Variants in DNMBP observed in about 807,000 individuals in gnomAD.
DNMBP encodes dynamin binding protein.
DNMBP carries 87 observed loss-of-function variants against 150.0 expected under a neutral mutation model. That is an observed-to-expected ratio of 0.58 (90% CI 0.49 to 0.69). DNMBP has a LOEUF of 0.69. Ranked by LOEUF, DNMBP falls within the 30% of genes least tolerant of loss-of-function variation. The pLI, the probability that DNMBP is intolerant of heterozygous loss-of-function variation, is 0.00. For missense variants in DNMBP, 1,774 were observed against 1,949.0 expected, an observed-to-expected ratio of 0.91 and a Z score of 1.69; for synonymous variants, 711 against 750.4, an observed-to-expected ratio of 0.95 and a Z score of 0.86.
intron 3 of DNMBP, among the ~76,000 whole-genome samples, chr10:99,967,441 G>A (rs1173674810): frequency 2.0e-5 from 3 of 152,014 alleles, no homozygotes; most frequent in Non-Finnish European, 4.4e-5. Context: ...AAGGAGAATC[G>A]CTTGAACCTG....
intron 11 of DNMBP, among the ~76,000 whole-genome samples, chr10:99,891,019 A>C (rs1042415300): frequency 6.6e-6 from 1 of 152,238 alleles, no homozygotes; most frequent in Admixed American, 6.5e-5. Context: ...CTGGGTAACC[A>C]GCTGGAAAAA....
intron 4 of DNMBP, among the ~76,000 whole-genome samples, chr10:99,944,262 A>T (rs1344057964): frequency 6.6e-6 from 1 of 152,232 alleles, no homozygotes; most frequent in East Asian, 1.9e-4. Context: ...ATGTTTTTTT[A>T]AATTAATCAA....
chr10:99,896,488 TC>T, intron 9 of DNMBP, 91 bp from the exon 10 acceptor site: 1 of 1,253,876 alleles, frequency 8.0e-7, no homozygotes, highest in Non-Finnish European at 1.2e-6. Flanking sequence ...CGGGAGCTAG[TC>T]CTTGTCTTCA....
chr10:99,895,375 G>A (rs542449272), intron 10 of DNMBP, among the ~76,000 whole-genome samples: 29 of 152,220 alleles, frequency 1.9e-4, no homozygotes, highest in Admixed American at 6.5e-4. Flanking sequence ...GATCCACCCC[G>A]CCTTGGCCTC....
chr10:99,983,097 C>T (rs2040795482), intron 1 of DNMBP, among the ~76,000 whole-genome samples: 1 of 152,134 alleles, frequency 6.6e-6, no homozygotes, highest in African/African-American at 2.4e-5. Context: ...CTGGGAAGAG[C>T]TGGGAAAGAG....
intron 4 of DNMBP, among the ~76,000 whole-genome samples, chr10:99,912,187 A>T (rs1298230142): frequency 6.6e-6 from 1 of 152,188 alleles, no homozygotes; most frequent in East Asian, 1.9e-4. Context: ...GAACCTAAAT[A>T]TATTTAAATC....
chr10:99,974,795 G>T (rs959723815), intron 1 of DNMBP, among the ~76,000 whole-genome samples: 8 of 152,134 alleles, frequency 5.3e-5, no homozygotes, highest in Admixed American at 4.6e-4. Context: ...TTATTTATGA[G>T]ACAGGGTCCT....
chr10:99,913,623 G>C lies in DNMBP; in HGVS notation c.2261-4477C>G, dbSNP rs935203892. Among the ~76,000 whole-genome samples the C allele has an allele frequency of 2.0e-5, 3 of 152,162 alleles. No individual in the cohort carries two copies. The East Asian group carries it at 5.8e-4, about 29-fold the overall frequency. On this transcript the variant is annotated intron_variant, in intron 4 of 16. Transcript: ENST00000324109. ...AACAATTAGTTGTGGGGTTCCTTCA[G>C]TGATTGTGGCTTACCCCCCACCCCA...
chr10:99,887,861 G>C (rs2039494452), intron 12 of DNMBP, among the ~76,000 whole-genome samples: 1 of 152,122 alleles, frequency 6.6e-6, no homozygotes, highest in Admixed American at 6.6e-5. Context: ...TTTCGCTCTT[G>C]TTGCCCAGGC....
chr10:100,008,291 A>T (rs1363456762), intron 1 of DNMBP, among the ~76,000 whole-genome samples: 1 of 152,236 alleles, frequency 6.6e-6, no homozygotes, highest in Non-Finnish European at 1.5e-5. Context: ...TTATTATCTC[A>T]GCCAAAAAAT....
intron 2 of DNMBP, among the ~76,000 whole-genome samples, chr10:99,971,383 T>C (rs993396814): frequency 2.0e-5 from 3 of 152,158 alleles, no homozygotes; most frequent in African/African-American, 7.2e-5. Flanking sequence ...TCTTATTTAT[T>C]TATTGAGATG....
chr10:99,978,703 T>C (rs1260105483), intron 1 of DNMBP, among the ~76,000 whole-genome samples: 1 of 152,046 alleles, frequency 6.6e-6, no homozygotes, highest in African/African-American at 2.4e-5. Context: ...CTCAGCCTCC[T>C]GAATATCTGC....
At position 100,006,300 on chromosome 10, in the gene DNMBP, G is replaced by C. The variant is rs572066195; in HGVS notation, c.-11+3538C>G. Among the ~76,000 whole-genome samples, 5 of 152,310 alleles carry C rather than the reference G, an allele frequency of 3.3e-5. No individual in the cohort carries two copies. The East Asian group carries it at 7.7e-4, about 24-fold the overall frequency. Reference sequence around the variant, plus strand: ...GTCAAGTTTTCAGGTCATCTGAAGCGATTTACTTTCAGAACCTCTTCCCAC... The same window carrying C: ...GTCAAGTTTTCAGGTCATCTGAAGCCATTTACTTTCAGAACCTCTTCCCAC... On this transcript the variant is annotated intron_variant, in intron 1 of 16. Transcript: ENST00000324109.
intron 4 of DNMBP, among the ~76,000 whole-genome samples, chr10:99,943,778 TAC>T (rs2040328375): frequency 6.6e-6 from 1 of 152,178 alleles, no homozygotes; most frequent in Non-Finnish European, 1.5e-5. Context: ...ATAAAACAGT[TAC>T]ACTTTAAAAT....
chr10:99,993,863 A>G (rs1388574267), intron 1 of DNMBP, among the ~76,000 whole-genome samples: 1 of 152,180 alleles, frequency 6.6e-6, no homozygotes, highest in Non-Finnish European at 1.5e-5. Flanking sequence ...TCTGCCTTGA[A>G]AAAAGCTAGA....
intron 4 of DNMBP, among the ~76,000 whole-genome samples, chr10:99,947,922 G>A (rs918402962): frequency 9.9e-5 from 15 of 152,076 alleles, no homozygotes; most frequent in East Asian, 9.6e-4. Flanking sequence ...GAAGCTGAGC[G>A]AAGTATATGG....
At chr10:99,930,366 T>A in intron 4 of DNMBP, 1 of 703,034 alleles carries the variant, frequency 1.4e-6, no homozygotes, top group Non-Finnish European at 2.6e-6. Flanking sequence ...TGCCTCCCCG[T>A]ATCCACCAGC....
intron 6 of DNMBP, among the ~76,000 whole-genome samples, chr10:99,900,393 T>C (rs547977966): frequency 6.6e-6 from 1 of 150,974 alleles, no homozygotes; most frequent in East Asian, 2.0e-4. Context: ...CGGTCCCTAG[T>C]AGCTGGGACC....
At chr10:99,894,320 T>G (rs1251559686) in intron 11 of DNMBP, among the ~76,000 whole-genome samples, 1 of 152,170 alleles carries the variant, frequency 6.6e-6, no homozygotes, top group African/African-American at 2.4e-5. Flanking sequence ...CATCCTATAT[T>G]AAATCAATAG....
Sources: gnomAD v4.1 joint callset for allele counts (sites outside exome capture counted in the v4.1 genomes callset) on GRCh38, gnomAD v4.1.1 for gene constraint, MANE v1.5 for transcripts, NCBI Gene and HGNC (gene_info 2026-07-23, HGNC 2026-07-21) for gene names.